Variants in PTPRN2 observed in about 807,000 individuals in gnomAD.
PTPRN2 encodes the protein protein tyrosine phosphatase receptor type N2.
PTPRN2 carries 74 observed loss-of-function variants against 118.8 expected under a neutral mutation model. That is an observed-to-expected ratio of 0.62 (90% CI 0.52 to 0.76). The LOEUF is 0.76. Ranked by LOEUF, PTPRN2 falls within the 30% of genes least tolerant of loss-of-function variation. The pLI, the probability that PTPRN2 is intolerant of heterozygous loss-of-function variation, is 0.00. For synonymous variants in PTPRN2, 641 were observed against 608.0 expected (o/e 1.05, Z -0.80); for missense variants, 1,481 against 1,394.4 (o/e 1.06, Z -0.99).
chr7:157,698,355 T>A (rs1239446795), intron 12 of PTPRN2, among the ~76,000 whole-genome samples: 1 of 152,256 alleles, frequency 6.6e-6, no homozygotes, highest in African/African-American at 2.4e-5. Flanking sequence ...TGCTGGCTCA[T>A]ATGCCGATGA....
intron 11 of PTPRN2, among the ~76,000 whole-genome samples, chr7:157,919,852 G>C (rs1043464295): frequency 6.6e-6 from 1 of 152,176 alleles, no homozygotes; most frequent in African/African-American, 2.4e-5. Context: ...TGACGGAGCT[G>C]ACAAATTCCT....
intron 3 of PTPRN2, among the ~76,000 whole-genome samples, chr7:158,302,679 G>A (rs939282414): frequency 6.6e-6 from 1 of 152,252 alleles, no homozygotes; most frequent in Non-Finnish European, 1.5e-5. Context: ...ACGTGCCGCA[G>A]CTGGAACTTA....
intron 19 of PTPRN2, among the ~76,000 whole-genome samples, chr7:157,575,552 A>G (rs567753963): frequency 3.1e-4 from 47 of 152,378 alleles, no homozygotes; most frequent in African/African-American, 1.1e-3. Context: ...TTGCTTTTCA[A>G]TGTAGACTAA....
chr7:158,316,079 C>A (rs1208375064), intron 3 of PTPRN2, among the ~76,000 whole-genome samples: 1 of 152,218 alleles, frequency 6.6e-6, no homozygotes, highest in Non-Finnish European at 1.5e-5. Flanking sequence ...AACATGACAT[C>A]ATTCCCCGAG....
intron 12 of PTPRN2, among the ~76,000 whole-genome samples, chr7:157,838,279 T>C (rs10248326): frequency 0.17 from 13,502 of 79,628 alleles, 1,437 homozygotes; most frequent in African/African-American, 0.36. Flanking sequence ...GCCGTACCTA[T>C]TCCAGTTCCT....
rs571595333 is a variant in PTPRN2, at chr7:158,335,566, A to G, written c.164-18634T>C. Among the ~76,000 whole-genome samples the G allele has an allele frequency of 6.7e-5, 2 of 29,908 alleles. 1 individual carries two copies. The highest frequency in any genetic ancestry group is 1.6e-3 in the East Asian group (2 of 1,288). The allele number at this position is 29,908 out of a possible 152,430, so 19.6% of individuals were successfully genotyped here. On this transcript the variant is annotated intron_variant, in intron 2 of 22. Transcript: ENST00000389418. ...TGTCACTCACACCCACACTCTCACC[A>G]TAAGAGCTGAGGCCCACAGAGGACA... is the stretch of plus-strand genomic sequence containing the variant.
intron 11 of PTPRN2, among the ~76,000 whole-genome samples, chr7:157,937,314 G>C (rs1186580640): frequency 6.6e-6 from 1 of 152,222 alleles, no homozygotes; most frequent in African/African-American, 2.4e-5. Context: ...AAAGTAAGCT[G>C]TGCTGGGGAA....
At chr7:158,351,749 A>T (rs1433974461) in intron 2 of PTPRN2, among the ~76,000 whole-genome samples, 1 of 152,086 alleles carries the variant, frequency 6.6e-6, no homozygotes, top group Non-Finnish European at 1.5e-5. Flanking sequence ...TGAGTGACAG[A>T]TATCATTTTC....
intron 15 of PTPRN2, among the ~76,000 whole-genome samples, chr7:157,608,561 T>C (rs765358606): frequency 1.1e-4 from 17 of 152,184 alleles, no homozygotes; most frequent in Non-Finnish European, 2.4e-4. Context: ...TCTCTTACTT[T>C]TTATGAGATG....
At chr7:158,203,117 A>T (rs1252490084) in intron 4 of PTPRN2, among the ~76,000 whole-genome samples, 12 of 150,946 alleles carry the variant, frequency 7.9e-5, no homozygotes, top group Non-Finnish European at 2.9e-5. Context: ...CTGTAGTCCC[A>T]GCTACTCAGG....
intron 2 of PTPRN2, among the ~76,000 whole-genome samples, chr7:158,481,351 A>G (rs983187970): frequency 6.6e-6 from 1 of 152,262 alleles, no homozygotes. Context: ...GCAGTGCACC[A>G]GTCACCCAAG....
intron 12 of PTPRN2, among the ~76,000 whole-genome samples, chr7:157,769,222 C>G (rs1463359687): frequency 2.0e-5 from 3 of 152,144 alleles, no homozygotes; most frequent in Non-Finnish European, 4.4e-5. Flanking sequence ...CAAGCAAGGA[C>G]CAACACATGC....
rs1802361875 is a variant in PTPRN2, at chr7:157,765,000, ACCAT to A, written c.1789-82067_1789-82064del. 7.0e-6 allele frequency among the ~76,000 whole-genome samples: 1 copy of A among 142,750 alleles called. No individual in the cohort carries two copies. Among genetic ancestry groups the A allele is most frequent in the South Asian group, 2.3e-4 (1 of 4,366 alleles). 93.6% of individuals were successfully genotyped at this position (142,750 alleles called of 152,430 possible). A position where few individuals can be genotyped will look rare whatever the true frequency, so the allele number is the denominator to read the frequency against. On this transcript the variant is annotated intron_variant, in intron 12 of 22. Transcript: ENST00000389418. This position sits in a 1 kb window ranked among gnomAD's most constrained non-coding sequence, Gnocchi z 4.5. ...CTACCCATCCACTTTCATCCATCCA[ACCAT>A]CCATCATTCTTCCATCCATCCATCC...
At chr7:158,171,497 C>T (rs1370147563) in intron 5 of PTPRN2, among the ~76,000 whole-genome samples, 9 of 151,478 alleles carry the variant, frequency 5.9e-5, no homozygotes, top group African/African-American at 1.7e-4. Flanking sequence ...TACAGGCACG[C>T]GCCACCAGGC....
chr7:158,320,299 A>G (rs1258394172), intron 2 of PTPRN2, among the ~76,000 whole-genome samples: 4 of 152,208 alleles, frequency 2.6e-5, no homozygotes, highest in Non-Finnish European at 5.9e-5. Context: ...CTGCTGGCTC[A>G]TATGGTAAGA....
At chr7:158,353,583 C>T (rs985782363) in intron 2 of PTPRN2, among the ~76,000 whole-genome samples, 3 of 152,142 alleles carry the variant, frequency 2.0e-5, no homozygotes, top group Admixed American at 6.5e-5. Context: ...TGAAAGCAAA[C>T]ATGCAGTGCT....
At position 157,787,369 on chromosome 7, in the gene PTPRN2, C is replaced by T. The variant is rs766020567; in HGVS notation, c.1789-104432G>A. ...ACTGCGACAGGAGGGGGTCTGGCCT[C>T]TGCTGGGAGTGACATCTGAAGATGC... On this transcript the variant is annotated intron_variant, in intron 12 of 22. Coordinates refer to ENST00000389418, the MANE Select transcript of PTPRN2 (RefSeq NM_002847.5). The surrounding 1 kb of genome is among the most constrained non-coding windows in gnomAD (Gnocchi z 5.3). Among the ~76,000 whole-genome samples, 1 of 152,160 alleles carries T rather than the reference C, an allele frequency of 6.6e-6. No individual in the cohort carries two copies. Among genetic ancestry groups the T allele is most frequent in the Non-Finnish European group, 1.5e-5 (1 of 68,018 alleles).
At chr7:158,457,911 TCAGCAGG>T (rs1818658167) in intron 2 of PTPRN2, among the ~76,000 whole-genome samples, 1 of 152,240 alleles carries the variant, frequency 6.6e-6, no homozygotes, top group South Asian at 2.1e-4. Context: ...CTGAGTGTTC[TCAGCAGG>T]GCCAAAACTT....
Position 157,596,307 on chromosome 7 carries a change from G to T in PTPRN2, c.2419-992C>A, listed in dbSNP as rs563999377. ...CCTGGGTCTGTGGCAGAGCCGGGGC[G>T]GAAGGGCCTTGCTGGGAGTGGCCTC... On this transcript the variant is annotated intron_variant, in intron 16 of 22. Coordinates refer to ENST00000389418, the MANE Select transcript of PTPRN2 (RefSeq NM_002847.5). The surrounding 1 kb of genome is among the most constrained non-coding windows in gnomAD (Gnocchi z 4.2). Among the ~76,000 whole-genome samples, 1 of 152,194 alleles carries T rather than the reference G, an allele frequency of 6.6e-6. No homozygotes were observed. Among genetic ancestry groups the T allele is most frequent in the African/African-American group, 2.4e-5 (1 of 41,456 alleles).
Sources: allele counts gnomAD v4.1 joint callset (sites outside exome capture counted in the v4.1 genomes callset), GRCh38; gene constraint gnomAD v4.1.1; non-coding constraint Gnocchi (gnomAD v3.1); transcripts MANE v1.5; gene names NCBI Gene and HGNC (gene_info 2026-07-23, HGNC 2026-07-21).